The following FARS2 variants were observed in gnomAD, a reference collection of about 807,000 sequenced individuals.
The protein encoded by FARS2 is phenylalanine--tRNA ligase, mitochondrial.
FARS2 carries 40 observed loss-of-function variants against 46.4 expected under a neutral mutation model. That is an observed-to-expected ratio of 0.86 (90% CI 0.67 to 1.12). The LOEUF is 1.12. Among genes scored for constraint, FARS2 ranks in the 50% most tolerant of loss-of-function variants. FARS2 has a pLI of 0.00. For synonymous variants in FARS2, 234 were observed against 214.9 expected, an observed-to-expected ratio of 1.09 and a Z score of -0.78; for missense variants, 513 against 567.9, an observed-to-expected ratio of 0.90 and a Z score of 0.98.
At chr6:5,564,033 A>G (rs1225920358) in intron 5 of FARS2, among the ~76,000 whole-genome samples, 2 of 152,228 alleles carry the variant, frequency 1.3e-5, no homozygotes, top group East Asian at 3.9e-4. Context: ...TAGCAGACTC[A>G]GTGATAGTAA....
intron 1 of FARS2, among the ~76,000 whole-genome samples, chr6:5,262,183 C>T (rs1322345764): frequency 6.6e-6 from 1 of 152,228 alleles, no homozygotes; most frequent in Admixed American, 6.5e-5. Context: ...ACCACTTGGT[C>T]ACGGTTGTGT....
At chr6:5,315,974 T>G (rs543511534) in intron 1 of FARS2, among the ~76,000 whole-genome samples, 9 of 152,362 alleles carry the variant, frequency 5.9e-5, no homozygotes, top group African/African-American at 2.2e-4. Context: ...GTGCTGATGC[T>G]CACTGTGTCA....
Position 5,431,061 on chromosome 6 carries a change from G to A in FARS2, c.793G>A (p.Asp265Asn). ...FGDELEIRWV[D>N]CYFPFTHPSF... ...TGCAGAGCTGGAGATAAGATGGGTA[G>A]ACTGCTACTTCCCTTTTACACATCC... Residue 265 changes from aspartate (D) to asparagine (N), a missense_variant, in exon 4 of 7, where the codon GAC becomes AAC. Coordinates refer to ENST00000274680, the MANE Select transcript of FARS2 (RefSeq NM_006567.5). 6.2e-7 allele frequency: 1 copy of A among 1,613,814 alleles called. No homozygotes were observed. Among genetic ancestry groups the A allele is most frequent in the Non-Finnish European group, 8.5e-7 (1 of 1,179,786 alleles).
intron 5 of FARS2, among the ~76,000 whole-genome samples, chr6:5,592,120 C>G (rs550527542): frequency 6.9e-4 from 105 of 152,278 alleles, no homozygotes; most frequent in African/African-American, 2.4e-3. Flanking sequence ...CGCGGTGGCT[C>G]ACGCCTGTAA....
At chr6:5,706,008 C>T (rs1210240634) in intron 6 of FARS2, among the ~76,000 whole-genome samples, 4 of 152,300 alleles carry the variant, frequency 2.6e-5, no homozygotes, top group Admixed American at 6.5e-5. Context: ...CAGTCCCCAA[C>T]GTTTTTGGCA....
intron 5 of FARS2, among the ~76,000 whole-genome samples, chr6:5,575,382 G>A (rs1772901588): frequency 1.3e-5 from 2 of 152,156 alleles, no homozygotes; most frequent in Middle Eastern, 3.2e-3. Flanking sequence ...ATTAGTGCAC[G>A]CAGAATCTGG....
chr6:5,271,636 C>T (rs1765959032), intron 1 of FARS2, among the ~76,000 whole-genome samples: 1 of 137,606 alleles, frequency 7.3e-6, no homozygotes, highest in Non-Finnish European at 1.5e-5. Flanking sequence ...GATCTTGGCT[C>T]ACTGCAACCT....
chr6:5,577,357 AGTGT>A (rs61361841), intron 5 of FARS2, among the ~76,000 whole-genome samples: 3 of 151,062 alleles, frequency 2.0e-5, no homozygotes, highest in Non-Finnish European at 3.0e-5. Context: ...AGAGAGAGTG[AGTGT>A]GTGTGTGTGT....
Position 5,478,117 on chromosome 6 carries a change from C to T in FARS2, c.904+46945C>T, listed in dbSNP as rs141080338. Reference sequence around the variant, plus strand: ...CACTTAGTGCTTGGCACATATTAAACGTGATGTCAGTATTAACCTGGCACA... The same window carrying T: ...CACTTAGTGCTTGGCACATATTAAATGTGATGTCAGTATTAACCTGGCACA... On this transcript the variant is annotated intron_variant, in intron 4 of 6. Coordinates refer to ENST00000274680, the MANE Select transcript of FARS2 (RefSeq NM_006567.5). Among the ~76,000 whole-genome samples the T allele has an allele frequency of 3.6e-3, 551 of 152,010 alleles. 2 individuals are homozygous for T. Among genetic ancestry groups the T allele is most frequent in the African/African-American group, 0.012 (516 of 41,466 alleles).
At chr6:5,679,308 C>T (rs1778913162) in intron 6 of FARS2, among the ~76,000 whole-genome samples, 1 of 152,138 alleles carries the variant, frequency 6.6e-6, no homozygotes, top group Non-Finnish European at 1.5e-5. Flanking sequence ...GTGATACCAG[C>T]CTCTGGAACA....
intron 1 of FARS2, among the ~76,000 whole-genome samples, chr6:5,319,206 G>A (rs1247218048): frequency 6.6e-6 from 1 of 152,120 alleles, no homozygotes; most frequent in Non-Finnish European, 1.5e-5. Context: ...ACCAGTGCCA[G>A]GGAAAGGCAG....
At chr6:5,510,035 G>C (rs1012079745) in intron 4 of FARS2, among the ~76,000 whole-genome samples, 6 of 152,204 alleles carry the variant, frequency 3.9e-5, no homozygotes, top group African/African-American at 1.4e-4. Flanking sequence ...GGATTAAGGA[G>C]AGTGTCATCT....
chr6:5,341,126 C>T (rs1173847954), intron 1 of FARS2, among the ~76,000 whole-genome samples: 18 of 138,006 alleles, frequency 1.3e-4, no homozygotes, highest in South Asian at 7.0e-4. Flanking sequence ...CCAGCCTGGG[C>T]GACAGAGTTT....
intron 5 of FARS2, among the ~76,000 whole-genome samples, chr6:5,572,837 C>A (rs1772733725): frequency 6.6e-6 from 1 of 152,128 alleles, no homozygotes; most frequent in Admixed American, 6.6e-5. Flanking sequence ...GCACTTCTGA[C>A]CAACGCTATA....
intron 6 of FARS2, among the ~76,000 whole-genome samples, chr6:5,768,160 C>G (rs970736717): frequency 1.3e-5 from 2 of 152,150 alleles, no homozygotes; most frequent in Admixed American, 6.5e-5. Context: ...GAAAATGAAG[C>G]CTTCTCTGTC....
At chr6:5,759,869 C>G (rs1762396082) in intron 6 of FARS2, among the ~76,000 whole-genome samples, 1 of 152,152 alleles carries the variant, frequency 6.6e-6, no homozygotes, top group Non-Finnish European at 1.5e-5. Context: ...CCAGAAGACC[C>G]CTCTGGTGCC....
intron 6 of FARS2, among the ~76,000 whole-genome samples, chr6:5,738,315 A>G (rs528218152): frequency 1.3e-5 from 2 of 152,334 alleles, no homozygotes; most frequent in South Asian, 4.1e-4. Flanking sequence ...ATCAGAAGTG[A>G]CACAGTATGC....
intron 1 of FARS2, among the ~76,000 whole-genome samples, chr6:5,345,139 T>TGAC (rs1356119329): frequency 1.3e-5 from 2 of 151,876 alleles, no homozygotes; most frequent in Non-Finnish European, 2.9e-5. Context: ...ATTATGATGA[T>TGAC]GACTAGATGA....
intron 4 of FARS2, among the ~76,000 whole-genome samples, chr6:5,453,237 G>A (rs1307589628): frequency 6.6e-6 from 1 of 152,128 alleles, no homozygotes; most frequent in African/African-American, 2.4e-5. Context: ...AAAAACCAAG[G>A]GGCAAAAGGT....
Sources: allele counts gnomAD v4.1 joint callset (sites outside exome capture counted in the v4.1 genomes callset), GRCh38; gene constraint gnomAD v4.1.1; transcripts MANE v1.5; gene names NCBI Gene and HGNC (gene_info 2026-07-23, HGNC 2026-07-21).